The following KCNQ1 variants were observed in gnomAD, a reference collection of about 807,000 sequenced individuals.
KCNQ1 encodes potassium voltage-gated channel subfamily Q member 1.
KCNQ1 carries 49 observed loss-of-function variants against 72.4 expected under a neutral mutation model. The observed-to-expected ratio is 0.68, with a 90% CI of 0.54 to 0.86. The LOEUF is 0.86. KCNQ1 is among the 40% of genes least tolerant of loss of function. The pLI is 0.00. For synonymous variants in KCNQ1, 450 were observed against 412.6 expected, an observed-to-expected ratio of 1.09 and a Z score of -1.10; for missense variants, 790 against 945.1, an observed-to-expected ratio of 0.84 and a Z score of 2.15.
intron 1 of KCNQ1, among the ~76,000 whole-genome samples, chr11:2,466,907 C>T (rs564874258): frequency 1.3e-5 from 2 of 152,344 alleles, no homozygotes; most frequent in East Asian, 3.9e-4. Context: ...AACACCTGGC[C>T]TCCTGCTCTG....
intron 15 of KCNQ1, among the ~76,000 whole-genome samples, chr11:2,802,222 T>TG (rs2134026845): frequency 6.6e-6 from 1 of 152,326 alleles, no homozygotes; most frequent in African/African-American, 2.4e-5. Flanking sequence ...GAAGCCCACC[T>TG]GGTCTGTGAG....
chr11:2,799,886 C>T (rs75546812), intron 15 of KCNQ1, among the ~76,000 whole-genome samples: 7,531 of 152,176 alleles, frequency 0.049, 638 homozygotes, highest in African/African-American at 0.17. Context: ...TGCCTGCCCT[C>T]CTGAGCTCCA....
At chr11:2,786,492 C>T (rs1330101230) in intron 15 of KCNQ1, among the ~76,000 whole-genome samples, 2 of 151,868 alleles carry the variant, frequency 1.3e-5, no homozygotes, top group Admixed American at 6.6e-5. Flanking sequence ...GTTAATACTT[C>T]GTAAGATTTC....
At chr11:2,597,545 A>G (rs1848749863) in intron 10 of KCNQ1, among the ~76,000 whole-genome samples, 1 of 152,228 alleles carries the variant, frequency 6.6e-6, no homozygotes, top group Non-Finnish European at 1.5e-5. Flanking sequence ...CCTAGAAATA[A>G]CAGTACATCT....
At chr11:2,825,546 C>T (rs1847821361) in intron 15 of KCNQ1, among the ~76,000 whole-genome samples, 1 of 152,236 alleles carries the variant, frequency 6.6e-6, no homozygotes, top group African/African-American at 2.4e-5. Context: ...CTGGACGCTT[C>T]CTTCTTTGGG....
chr11:2,458,550 C>T lies in KCNQ1; in HGVS notation c.386+13066C>T, dbSNP rs757261835. Among the ~76,000 whole-genome samples the T allele has an allele frequency of 1.4e-4, 21 of 152,210 alleles. No individual in the cohort carries two copies. The highest frequency in any genetic ancestry group is 4.8e-4 in the African/African-American group (20 of 41,460). ...GTGAGGTCAGGGATTCCGCATGCAG[C>T]GTCACAGCTGCCAACCTCTCCAAAG... On this transcript the variant is annotated intron_variant, in intron 1 of 15. Transcript: ENST00000155840. This position sits in a 1 kb window ranked among gnomAD's most constrained non-coding sequence, Gnocchi z 4.6.
At chr11:2,800,291 C>A (rs1847234343) in intron 15 of KCNQ1, among the ~76,000 whole-genome samples, 1 of 152,244 alleles carries the variant, frequency 6.6e-6, no homozygotes, top group South Asian at 2.1e-4. Context: ...CAGGGTAACC[C>A]TGCAAAGAGG....
intron 10 of KCNQ1, chr11:2,656,049 C>T: frequency 2.5e-6 from 1 of 398,664 alleles, no homozygotes. Context: ...GGTGGCTCAC[C>T]CTTGGCCCTC....
rs1486178525 is a variant in KCNQ1, at chr11:2,763,000, C to G, written c.1515-5844C>G. Among the ~76,000 whole-genome samples the G allele has an allele frequency of 1.3e-5, 2 of 152,184 alleles. No homozygotes were observed. The highest frequency in any genetic ancestry group is 2.9e-5 in the Non-Finnish European group (2 of 68,032). On this transcript the variant is annotated intron_variant, in intron 11 of 15. Coordinates refer to ENST00000155840, the MANE Select transcript of KCNQ1 (RefSeq NM_000218.3). The surrounding 1 kb of genome is among the most constrained non-coding windows in gnomAD (Gnocchi z 4.3). ...TGACTTTGTTGTTCTTCAAGATCGT[C>G]TTGGCTATTCTTGGCCCTTCACGTT...
intron 10 of KCNQ1, chr11:2,644,294 G>A (rs879656437): frequency 7.5e-6 from 3 of 398,156 alleles, no homozygotes; most frequent in Non-Finnish European, 1.3e-5. Flanking sequence ...CTATATTTTT[G>A]TCTGAGTCAT....
chr11:2,661,817 A>C lies in KCNQ1; in HGVS notation c.1394-144A>C. ...TAAACACCCACCCACCCCAACACCC[A>C]ACTATAAAACTGATTGTCAGGGCTG... On this transcript the variant is annotated intron_variant, in intron 10 of 15. Transcript: ENST00000155840. This position sits in a 1 kb window ranked among gnomAD's most constrained non-coding sequence, Gnocchi z 5.9. 6 of 930,470 alleles carry C rather than the reference A, an allele frequency of 6.4e-6. No individual in the cohort carries two copies. The highest frequency in any genetic ancestry group is 1.0e-5 in the Non-Finnish European group (6 of 586,190). 57.6% of individuals were successfully genotyped at this position (930,470 alleles called of 1,614,324 possible).
At position 2,592,578 on chromosome 11, in the gene KCNQ1, C is replaced by G. The variant is rs1047918414; in HGVS notation, c.1393+3724C>G. ...GCACAGCAGGGGCTGGCCAGCCTAGCCCTAGAGTCTTTGCAGTGAAGCGTC... is the reference window on the plus strand; with the variant it reads ...GCACAGCAGGGGCTGGCCAGCCTAGGCCTAGAGTCTTTGCAGTGAAGCGTC... On this transcript the variant is annotated intron_variant, in intron 10 of 15. Transcript: ENST00000155840. This position sits in a 1 kb window ranked among gnomAD's most constrained non-coding sequence, Gnocchi z 5.2. Among the ~76,000 whole-genome samples the G allele has an allele frequency of 6.6e-6, 1 of 152,204 alleles. No homozygotes were observed. Among genetic ancestry groups the G allele is most frequent in the African/African-American group, 2.4e-5 (1 of 41,460 alleles).
Position 2,746,750 on chromosome 11 carries a change from T to G in KCNQ1, c.1515-22094T>G, listed in dbSNP as rs753812087. Among the ~76,000 whole-genome samples, 4 of 152,228 alleles carry G rather than the reference T, an allele frequency of 2.6e-5. No homozygotes were observed. Among genetic ancestry groups the G allele is most frequent in the Non-Finnish European group, 5.9e-5 (4 of 68,034 alleles). On this transcript the variant is annotated intron_variant, in intron 11 of 15. Coordinates refer to ENST00000155840, the MANE Select transcript of KCNQ1 (RefSeq NM_000218.3). The surrounding 1 kb of genome is among the most constrained non-coding windows in gnomAD (Gnocchi z 5.9). The stretch of plus-strand genomic sequence containing the variant: ...GGCTCTGAGGCCGTGGCTGTCAATC[T>G]CTTCAACTGTGATTTGTTCTTTTCC...
chr11:2,831,896 C>T (rs1028951651), intron 15 of KCNQ1, among the ~76,000 whole-genome samples: 3 of 152,092 alleles, frequency 2.0e-5, no homozygotes, highest in Non-Finnish European at 2.9e-5. Context: ...CTGACTCAGC[C>T]CCTGGCACAT....
chr11:2,834,878 C>A (rs989908974), intron 15 of KCNQ1, among the ~76,000 whole-genome samples: 5 of 152,198 alleles, frequency 3.3e-5, no homozygotes, highest in Non-Finnish European at 7.4e-5. Context: ...TCTCCCTCCC[C>A]ACGAGGCTCC....
rs1846876183 is a variant in KCNQ1 at position 2,494,220 on chromosome 11, T to C, written c.387-33708T>C. On this transcript the variant is annotated intron_variant, in intron 1 of 15. Coordinates refer to ENST00000155840, the MANE Select transcript of KCNQ1 (RefSeq NM_000218.3). The surrounding 1 kb of genome is among the most constrained non-coding windows in gnomAD (Gnocchi z 4.6). ...TTTGTATCCCAAGACTTTGCTGAAG[T>C]TGGCTATCAGCTTAAGGAGTTTTTG... Among the ~76,000 whole-genome samples, 1 of 152,354 alleles carries C rather than the reference T, an allele frequency of 6.6e-6. No homozygotes were observed. Among genetic ancestry groups the C allele is most frequent in the East Asian group, 1.9e-4 (1 of 5,186 alleles).
chr11:2,783,336 G>A lies in KCNQ1; in HGVS notation c.1794+5299G>A, dbSNP rs981412021. ...CAATCCATATGATATTAATCCTTTA[G>A]AATGTTTTGAAATATGATTTACGGC... On this transcript the variant is annotated intron_variant, in intron 15 of 15. Transcript: ENST00000155840. The surrounding 1 kb of genome is among the most constrained non-coding windows in gnomAD (Gnocchi z 5.2). Among the ~76,000 whole-genome samples the A allele has an allele frequency of 2.6e-4, 39 of 152,018 alleles. No homozygotes were observed. The highest frequency in any genetic ancestry group is 9.4e-4 in the African/African-American group (39 of 41,402).
In KCNQ1 at chr11:2,613,948, TAAC is replaced by T. The variant is rs1849019923; in HGVS notation, c.1393+25099_1393+25101del. On this transcript the variant is annotated intron_variant, in intron 10 of 15. Coordinates refer to ENST00000155840, the MANE Select transcript of KCNQ1 (RefSeq NM_000218.3). The surrounding 1 kb of genome is among the most constrained non-coding windows in gnomAD (Gnocchi z 4.8). ...CCTTTTGAACTTTGCTTTTCTCACC[TAAC>T]AACATCTCCTAGAAATCACTCAACA... is the stretch of plus-strand genomic sequence containing the variant. 2.5e-6 allele frequency: 1 copy of T among 398,606 alleles called. No individual in the cohort carries two copies. The highest frequency in any genetic ancestry group is 1.3e-4 in the South Asian group (1 of 7,858). The allele number at this position is 398,606 out of a possible 1,614,324, so 24.7% of individuals were successfully genotyped here. A position where few individuals can be genotyped will look rare whatever the true frequency, so the allele number is the denominator to read the frequency against.
chr11:2,776,112 A>T, intron 13 of KCNQ1, 58 bp downstream of exon 13: 3 of 1,417,212 alleles, frequency 2.1e-6, no homozygotes, highest in Non-Finnish European at 2.9e-6. Context: ...GCCCGGCCCC[A>T]GCTGCATGAT....
Sources: gnomAD v4.1 joint callset for allele counts (sites outside exome capture counted in the v4.1 genomes callset) on GRCh38, gnomAD v4.1.1 for gene constraint, Gnocchi (gnomAD v3.1) non-coding constraint, MANE v1.5 for transcripts, NCBI Gene and HGNC (gene_info 2026-07-23, HGNC 2026-07-21) for gene names.